The following CDKL4 variants were observed in gnomAD, a reference collection of about 807,000 sequenced individuals.
CDKL4 encodes cyclin dependent kinase like 4.
CDKL4 carries 44 observed loss-of-function variants against 42.0 expected under a neutral mutation model. The observed-to-expected ratio is 1.05, with a 90% CI of 0.82 to 1.35. CDKL4 has a LOEUF of 1.35. CDKL4 is among the 40% of genes most tolerant of loss of function. The pLI, the probability that CDKL4 is intolerant of heterozygous loss-of-function variation, is 0.00. For missense variants in CDKL4, 393 were observed against 369.9 expected (o/e 1.06, Z -0.51); for synonymous variants, 120 against 121.6 (o/e 0.99, Z 0.09).
chr2:39,245,310 G>C (rs1264227591), upstream of CDKL4, among the ~76,000 whole-genome samples: 1 of 152,120 alleles, frequency 6.6e-6, no homozygotes, highest in Non-Finnish European at 1.5e-5. Context: ...GCTGCCTTAA[G>C]AGCTGTAACA....
intron 2 of CDKL4, among the ~76,000 whole-genome samples, chr2:39,227,290 C>T (rs771521894): frequency 1.3e-5 from 2 of 152,200 alleles, no homozygotes; most frequent in Non-Finnish European, 2.9e-5. Context: ...GAGAACACAG[C>T]ATTTTGCATA....
intron 1 of CDKL4, among the ~76,000 whole-genome samples, chr2:39,238,989 T>A (rs1679509888): frequency 6.6e-6 from 1 of 152,214 alleles, no homozygotes; most frequent in African/African-American, 2.4e-5. Flanking sequence ...TGACCTCAAG[T>A]GATCTGCCTG....
chr2:39,223,427 CCTGA>C (rs1301095290), intron 3 of CDKL4, among the ~76,000 whole-genome samples: 1 of 152,044 alleles, frequency 6.6e-6, no homozygotes, highest in Non-Finnish European at 1.5e-5. Flanking sequence ...GGTCTGATTC[CCTGA>C]CTGTTGATAA....
upstream of CDKL4, among the ~76,000 whole-genome samples, chr2:39,245,686 A>T (rs1343397928): frequency 6.6e-6 from 1 of 152,264 alleles, no homozygotes; most frequent in Non-Finnish European, 1.5e-5. Flanking sequence ...ACTGAAAAAC[A>T]GCACACGTAA....
chr2:39,209,129 T>G (rs1257158469), intron 4 of CDKL4, among the ~76,000 whole-genome samples: 1 of 144,246 alleles, frequency 6.9e-6, no homozygotes, highest in East Asian at 2.0e-4. Flanking sequence ...AATGAGACTA[T>G]CTCTACAAAA....
chr2:39,173,904 GC>G (rs1675068673), downstream of CDKL4, among the ~76,000 whole-genome samples: 1 of 151,696 alleles, frequency 6.6e-6, no homozygotes, highest in Admixed American at 6.6e-5. Context: ...GATTGCTTGA[GC>G]CCAGGAGGTC....
In CDKL4 at chr2:39,175,886, C is replaced by T. The variant is rs1228991084; in HGVS notation, c.*109G>A. Reference sequence around the variant, plus strand: ...ATCAGAGCAAAACAATTCTAGAAGGCATCTTAATTTTCATATGGCTCATTT... The same window carrying T: ...ATCAGAGCAAAACAATTCTAGAAGGTATCTTAATTTTCATATGGCTCATTT... On this transcript the variant is annotated 3_prime_UTR_variant, in exon 10 of 10. Transcript: ENST00000451199. 7.9e-6 allele frequency: 3 copies of T among 379,400 alleles called. No individual in the cohort carries two copies. The Admixed American group carries it at 1.1e-4, about 14-fold the overall frequency. 23.5% of individuals were successfully genotyped at this position (379,400 alleles called of 1,614,324 possible). A position where few individuals can be genotyped will look rare whatever the true frequency, so the allele number is the denominator to read the frequency against.
At chr2:39,193,221 C>G (rs1274763908) in intron 5 of CDKL4, among the ~76,000 whole-genome samples, 1 of 148,882 alleles carries the variant, frequency 6.7e-6, no homozygotes, top group Non-Finnish European at 1.5e-5. Context: ...ATCACTTGAG[C>G]CTAGATATTC....
chr2:39,244,037 A>G (rs1679800094), upstream of CDKL4, among the ~76,000 whole-genome samples: 1 of 152,218 alleles, frequency 6.6e-6, no homozygotes, highest in Admixed American at 6.5e-5. Flanking sequence ...CGCGCGGGGC[A>G]CTGCGGCTTC....
chr2:39,189,334 A>G (rs970106302), intron 6 of CDKL4, among the ~76,000 whole-genome samples: 1 of 152,228 alleles, frequency 6.6e-6, no homozygotes, highest in Non-Finnish European at 1.5e-5. Context: ...TCTCATTCCT[A>G]TTCTGCACTT....
intron 3 of CDKL4, among the ~76,000 whole-genome samples, chr2:39,215,561 A>C (rs1252440764): frequency 6.6e-6 from 1 of 152,246 alleles, no homozygotes; most frequent in Non-Finnish European, 1.5e-5. Flanking sequence ...TACCCCAAAC[A>C]TATCCATCAC....
chr2:39,175,810 T>C (rs1053613141), exon 10 of CDKL4: 6 of 279,946 alleles, frequency 2.1e-5, no homozygotes, highest in African/African-American at 7.8e-5. Flanking sequence ...AAAGAAAATA[T>C]TCTAAAAGAT....
At chr2:39,171,168 G>A (rs781642789), downstream of CDKL4, among the ~76,000 whole-genome samples, 38 of 151,994 alleles carry the variant, frequency 2.5e-4, no homozygotes, top group Non-Finnish European at 2.5e-4. Flanking sequence ...GAACATGTGA[G>A]GTGGAGGCTG....
At chr2:39,191,695 TAGAC>T (rs1371657646) in intron 5 of CDKL4, among the ~76,000 whole-genome samples, 3 of 152,228 alleles carry the variant, frequency 2.0e-5, no homozygotes, top group Non-Finnish European at 4.4e-5. Context: ...TGATATGTGA[TAGAC>T]AGATGACAGA....
At chr2:39,207,041 A>G (rs937717003) in intron 4 of CDKL4, among the ~76,000 whole-genome samples, 3 of 152,188 alleles carry the variant, frequency 2.0e-5, no homozygotes, top group African/African-American at 7.2e-5. Flanking sequence ...AGCAGTTAGA[A>G]GAAACTTTTT....
intron 1 of CDKL4, among the ~76,000 whole-genome samples, chr2:39,235,832 CA>C (rs1383775552): frequency 6.9e-6 from 1 of 145,128 alleles, no homozygotes; most frequent in Non-Finnish European, 1.5e-5. Flanking sequence ...AAGTTTTCAA[CA>C]AAAAAATTAG....
At chr2:39,198,687 C>CA (rs58277621) in intron 5 of CDKL4, among the ~76,000 whole-genome samples, 11,038 of 152,116 alleles carry the variant, frequency 0.073, 1,366 homozygotes, top group African/African-American at 0.25. Context: ...AAGGAATTCT[C>CA]AAAACCATGC....
chr2:39,228,873 C>T (rs536918669), intron 2 of CDKL4, among the ~76,000 whole-genome samples: 1 of 151,906 alleles, frequency 6.6e-6, no homozygotes, highest in South Asian at 2.1e-4. Flanking sequence ...ACAATTATAA[C>T]AAAAACCTTT....
chr2:39,188,305 G>A (rs1675950947), intron 6 of CDKL4, among the ~76,000 whole-genome samples: 1 of 151,968 alleles, frequency 6.6e-6, no homozygotes, highest in African/African-American at 2.4e-5. Flanking sequence ...GCTCACGCCT[G>A]TAATCCCAGC....
Sources: allele counts gnomAD v4.1 joint callset (sites outside exome capture counted in the v4.1 genomes callset), GRCh38; gene constraint gnomAD v4.1.1; transcripts MANE v1.5; gene names NCBI Gene and HGNC (gene_info 2026-07-23, HGNC 2026-07-21).